RAB3GAP2: variants seen among roughly 807,000 people sequenced by gnomAD.
The protein encoded by RAB3GAP2 is RAB3 GTPase activating non-catalytic protein subunit 2, also known as rab3 GTPase-activating protein non-catalytic subunit.
A neutral mutation model predicts 185.3 loss-of-function variants in RAB3GAP2; 87 were observed. The ratio of observed to expected loss-of-function variants is 0.47; its 90% CI spans 0.39 to 0.56. RAB3GAP2 has a LOEUF of 0.56. Among genes scored for constraint, RAB3GAP2 ranks in the 20% least tolerant of loss-of-function variants. The probability of loss-of-function intolerance (pLI) is 0.00; values close to 1 mark genes in which losing one functional copy is unlikely to be tolerated. For missense variants in RAB3GAP2, 1,492 were observed against 1,638.2 expected, an observed-to-expected ratio of 0.91 and a Z score of 1.54; for synonymous variants, 554 against 576.1, an observed-to-expected ratio of 0.96 and a Z score of 0.55.
Position 220,176,574 on chromosome 1 carries a change from T to C in RAB3GAP2, c.2311-3832A>G, listed in dbSNP as rs1658293831. On this transcript the variant is annotated intron_variant, in intron 21 of 34. Transcript: ENST00000358951. ...TTGGCAGAAAGGCTAGTCTGCCCGC[T>C]AGCACTGGTCTCAGCAGTGGGCTGG... Among the ~76,000 whole-genome samples the C allele has an allele frequency of 2.0e-5, 3 of 152,206 alleles. No homozygotes were observed. In the South Asian group the frequency reaches 6.2e-4, roughly 31 times the overall value.
chr1:220,179,391 C>T (rs957733703), intron 21 of RAB3GAP2, among the ~76,000 whole-genome samples: 3 of 151,816 alleles, frequency 2.0e-5, no homozygotes, highest in Non-Finnish European at 4.4e-5. Flanking sequence ...ATTAATAGAT[C>T]TAAAGGGAGA....
chr1:220,232,699 A>T, intron 2 of RAB3GAP2, 100 bp downstream of exon 2: 1 of 1,106,096 alleles, frequency 9.0e-7, no homozygotes, highest in Non-Finnish European at 1.4e-6. Flanking sequence ...TATTCTTGAC[A>T]TCGAATTTAA....
chr1:220,152,880 A>G (rs1308358617), intron 33 of RAB3GAP2, among the ~76,000 whole-genome samples: 1 of 152,054 alleles, frequency 6.6e-6, no homozygotes, highest in Non-Finnish European at 1.5e-5. Flanking sequence ...CATAGCACCT[A>G]TCATTCAATG....
intron 31 of RAB3GAP2, 53 bp downstream of exon 31, chr1:220,157,217 G>A: frequency 6.9e-7 from 1 of 1,452,444 alleles, no homozygotes; most frequent in Non-Finnish European, 9.6e-7. Flanking sequence ...AAATCCATGT[G>A]TCTGCTAAGC....
intron 9 of RAB3GAP2, among the ~76,000 whole-genome samples, chr1:220,200,055 C>T (rs552038929): frequency 2.0e-5 from 3 of 152,332 alleles, no homozygotes; most frequent in South Asian, 2.1e-4. Context: ...GATCTAACCC[C>T]AGTCTGCATC....
intron 15 of RAB3GAP2, 94 bp from the exon 16 acceptor site, chr1:220,190,240 C>A: frequency 6.7e-7 from 1 of 1,498,892 alleles, no homozygotes. Context: ...TTATATATTT[C>A]CTATTTAACT....
At chr1:220,225,098 T>C (rs1659379845) in intron 2 of RAB3GAP2, among the ~76,000 whole-genome samples, 1 of 152,134 alleles carries the variant, frequency 6.6e-6, no homozygotes, top group African/African-American at 2.4e-5. Flanking sequence ...TTAACAGTTA[T>C]AAACAAGAGA....
At chr1:220,262,951 T>A (rs1425002651) in intron 1 of RAB3GAP2, among the ~76,000 whole-genome samples, 1 of 151,644 alleles carries the variant, frequency 6.6e-6, no homozygotes, top group Non-Finnish European at 1.5e-5. Flanking sequence ...ATTCTCCACA[T>A]CCTCACCATA....
Position 220,170,877 on chromosome 1 carries a change from T to C in RAB3GAP2, c.2806+15A>G, listed in dbSNP as rs756870881. On this transcript the variant is annotated intron_variant, in intron 24 of 34. Transcript: ENST00000358951. ...AAAAAAATGGATGCAAATGCTCAAA[T>C]AAACTTCAGCTTACCTTTTCCTCCT... The C allele has an allele frequency of 6.3e-7, 1 of 1,596,872 alleles. No individual in the cohort carries two copies. The highest frequency in any genetic ancestry group is 1.1e-5 in the South Asian group (1 of 90,710).
intron 21 of RAB3GAP2, among the ~76,000 whole-genome samples, chr1:220,175,374 A>G (rs983832071): frequency 6.6e-6 from 1 of 151,994 alleles, no homozygotes; most frequent in East Asian, 1.9e-4. Flanking sequence ...GCGAGCCACC[A>G]TGCCCGGCTA....
chr1:220,272,160 G>C, intron 1 of RAB3GAP2, 63 bp downstream of exon 1: 1 of 1,391,702 alleles, frequency 7.2e-7, no homozygotes, highest in Non-Finnish European at 1.0e-6. Flanking sequence ...TAGGAGACTC[G>C]AACCCGTGAG....
At chr1:220,232,244 A>C (rs1280002322) in intron 2 of RAB3GAP2, among the ~76,000 whole-genome samples, 2 of 152,210 alleles carry the variant, frequency 1.3e-5, no homozygotes, top group East Asian at 3.9e-4. Flanking sequence ...CCCCCAAAAA[A>C]CATGTGTTGA....
At chr1:220,162,548 G>A (rs1657982655) in intron 27 of RAB3GAP2, among the ~76,000 whole-genome samples, 1 of 152,124 alleles carries the variant, frequency 6.6e-6, no homozygotes, top group South Asian at 2.1e-4. Flanking sequence ...ATGTCACAGT[G>A]AGACAGCATT....
chr1:220,202,233 G>T (rs372883748), intron 9 of RAB3GAP2, 43 bp downstream of exon 9: 3 of 1,588,832 alleles, frequency 1.9e-6, no homozygotes, highest in Non-Finnish European at 2.6e-6. Context: ...AATAAAAAGT[G>T]TAAGAAGTAA....
intron 31 of RAB3GAP2, among the ~76,000 whole-genome samples, chr1:220,156,548 A>G (rs760829015): frequency 3.5e-4 from 53 of 152,336 alleles, no homozygotes; most frequent in South Asian, 2.1e-4. Context: ...AACTAATACA[A>G]TTAAACCTGT....
intron 1 of RAB3GAP2, among the ~76,000 whole-genome samples, chr1:220,257,310 G>A (rs550375344): frequency 5.9e-5 from 9 of 152,004 alleles, no homozygotes; most frequent in African/African-American, 1.7e-4. Context: ...CCTGGGAGGC[G>A]GAGGTTGCAG....
intron 31 of RAB3GAP2, chr1:220,154,276 A>G (rs1558137681): frequency 3.5e-6 from 2 of 569,362 alleles, no homozygotes; most frequent in East Asian, 4.0e-5. Flanking sequence ...CGTGTTTCCT[A>G]TAGTCTCCTC....
At chr1:220,247,119 T>C (rs555141620) in intron 1 of RAB3GAP2, among the ~76,000 whole-genome samples, 10 of 152,214 alleles carry the variant, frequency 6.6e-5, no homozygotes, top group African/African-American at 2.4e-4. Context: ...GATGTTGGCA[T>C]GGATGTGTTG....
chr1:220,235,168 C>G (rs1271759012), intron 1 of RAB3GAP2, among the ~76,000 whole-genome samples: 1 of 152,012 alleles, frequency 6.6e-6, no homozygotes, highest in Non-Finnish European at 1.5e-5. Context: ...ACAGTTAAGG[C>G]CAAAAGTAAG....
Sources: allele counts gnomAD v4.1 joint callset (sites outside exome capture counted in the v4.1 genomes callset), GRCh38; gene constraint gnomAD v4.1.1; transcripts MANE v1.5; gene names NCBI Gene and HGNC (gene_info 2026-07-23, HGNC 2026-07-21).